The following EFHC1 variants were observed in gnomAD, a reference collection of about 807,000 sequenced individuals.
The protein encoded by EFHC1 is EF-hand domain containing 1, also known as EF-hand domain-containing protein 1.
A neutral mutation model predicts 69.9 loss-of-function variants in EFHC1; 53 were observed. That is an observed-to-expected ratio of 0.76 (90% CI 0.61 to 0.95). EFHC1 has a LOEUF of 0.95. Ranked by LOEUF, EFHC1 falls within the 40% of genes least tolerant of loss-of-function variation. EFHC1 has a pLI of 0.00. For synonymous variants in EFHC1, 256 were observed against 278.4 expected (o/e 0.92, Z 0.80); for missense variants, 739 against 798.7 (o/e 0.93, Z 0.90).
At position 52,452,881 on chromosome 6, in the gene EFHC1, G is replaced by A. The variant is rs200479419; in HGVS notation, c.723+44G>A. ...ACAATAGGCTTACTTATTTCCAAAT[G>A]TGACCTACATTTATTGGCAAAAGGT... On this transcript the variant is annotated intron_variant, in intron 4 of 10. Transcript: ENST00000371068. The A allele has an allele frequency of 9.3e-6, 15 of 1,612,940 alleles. No homozygotes were observed. The East Asian group carries it at 3.3e-4, about 36-fold the overall frequency.
chr6:52,493,199 T>A lies in EFHC1; in HGVS notation c.*858T>A, dbSNP rs760949820. 1 of 453,482 alleles carries A rather than the reference T, an allele frequency of 2.2e-6. No individual in the cohort carries two copies. 28.1% of individuals were successfully genotyped at this position (453,482 alleles called of 1,614,324 possible). A position where few individuals can be genotyped will look rare whatever the true frequency, so the allele number is the denominator to read the frequency against. On this transcript the variant is annotated 3_prime_UTR_variant, in exon 11 of 11. Transcript: ENST00000371068. ...AGCCTGCTGACCTTCAGACTGGACC[T>A]AAACCATCAGCTCTCCTAAGTCATA...
rs1268175317 is a variant in EFHC1 at position 52,438,416 on chromosome 6, T to C, written c.398T>C (p.Val133Ala). ...YYYLEDDSMS[V>A]IEPVVENSGI... Reference sequence around the variant, plus strand: ...TATCTAGAAGATGACAGCATGTCTGTCATAGAGCCTGTTGTAGAAAATTCT... The same window carrying C: ...TATCTAGAAGATGACAGCATGTCTGCCATAGAGCCTGTTGTAGAAAATTCT... Residue 133 changes from valine to alanine, a missense_variant, in exon 3 of 11, where the codon GTC (valine) becomes GCC (alanine). Physicochemically the swap from Val to Ala is moderately conservative, Grantham distance 64 (BLOSUM62 0). Coordinates refer to ENST00000371068, the MANE Select transcript of EFHC1 (RefSeq NM_018100.4). 2.5e-6 allele frequency: 4 copies of C among 1,613,972 alleles called. No homozygotes were observed. In the African/African-American group the frequency reaches 5.3e-5, roughly 22 times the overall value.
At chr6:52,449,404 C>T (rs1764866796) in intron 3 of EFHC1, among the ~76,000 whole-genome samples, 1 of 151,836 alleles carries the variant, frequency 6.6e-6, no homozygotes, top group African/African-American at 2.4e-5. Flanking sequence ...AAAATAGTAC[C>T]AGCTCTTCTT....
chr6:52,440,705 C>T (rs542811716), intron 3 of EFHC1, among the ~76,000 whole-genome samples: 1 of 152,198 alleles, frequency 6.6e-6, no homozygotes, highest in African/African-American at 2.4e-5. Context: ...TTTTAGGAAT[C>T]ACTACACTGC....
In EFHC1 at chr6:52,438,359, A is replaced by G. The variant is rs759050400; in HGVS notation, c.341A>G (p.Gln114Arg). 65 of 1,613,768 alleles carry G rather than the reference A, an allele frequency of 4.0e-5. No individual in the cohort carries two copies. The highest frequency in any genetic ancestry group is 1.6e-4 in the Middle Eastern group (1 of 6,080). ...GATGTTCCTATGTCAACTGAGGAAC[A>G]GTATAGGATCCGTCAGGTGAACATT... Reference protein sequence around the residue: ...QEDVPMSTEEQYRIRQVNIYY... With the variant: ...QEDVPMSTEERYRIRQVNIYY... Residue 114 changes from glutamine to arginine, a missense_variant, in exon 3 of 11, where the codon CAG becomes CGG. Gln to Arg is a conservative substitution (Grantham distance 43). Coordinates refer to ENST00000371068, the MANE Select transcript of EFHC1 (RefSeq NM_018100.4).
At chr6:52,421,573 G>A (rs555444551) in intron 1 of EFHC1, among the ~76,000 whole-genome samples, 4 of 152,272 alleles carry the variant, frequency 2.6e-5, no homozygotes, top group African/African-American at 7.2e-5. Flanking sequence ...GCTAACAGTA[G>A]TTTATGTTTA....
At position 52,451,013 on chromosome 6, in the gene EFHC1, T is replaced by C. The variant is rs183579399; in HGVS notation, c.574-1675T>C. Among the ~76,000 whole-genome samples the C allele has an allele frequency of 2.0e-5, 3 of 152,280 alleles. No individual in the cohort carries two copies. In the East Asian group the frequency reaches 5.8e-4, roughly 29 times the overall value. ...CTGGGTTTCACCATGTTGGCCAGGC[T>C]GGTCCTAAACTCCTGACCTCAAGTG... On this transcript the variant is annotated intron_variant, in intron 3 of 10. Coordinates refer to ENST00000371068, the MANE Select transcript of EFHC1 (RefSeq NM_018100.4).
At chr6:52,474,629 G>A (rs544325057) in intron 7 of EFHC1, among the ~76,000 whole-genome samples, 1 of 152,278 alleles carries the variant, frequency 6.6e-6, no homozygotes, top group Admixed American at 6.5e-5. Flanking sequence ...ATAAGTTGTG[G>A]TATATTTGTG....
intron 3 of EFHC1, among the ~76,000 whole-genome samples, chr6:52,446,388 C>G (rs1417120414): frequency 6.6e-6 from 1 of 151,926 alleles, no homozygotes; most frequent in Non-Finnish European, 1.5e-5. Context: ...GCAACCCCTG[C>G]TTTTTTTTGT....
At chr6:52,453,732 A>G (rs1466730324) in intron 4 of EFHC1, 4 of 1,244,934 alleles carry the variant, frequency 3.2e-6, no homozygotes, top group African/African-American at 1.6e-5. Context: ...CTAATTATAT[A>G]TAAACCATAT....
At chr6:52,453,757 A>G (rs1442625576) in intron 4 of EFHC1, 13 of 1,242,398 alleles carry the variant, frequency 1.0e-5, no homozygotes, top group African/African-American at 1.6e-5. Flanking sequence ...ATGTACCTTT[A>G]TTAATATATA....
chr6:52,433,693 G>C (rs573597343), intron 2 of EFHC1, among the ~76,000 whole-genome samples: 5 of 152,328 alleles, frequency 3.3e-5, no homozygotes, highest in Non-Finnish European at 5.9e-5. Context: ...AGCATTAGCT[G>C]TGGTAGTATG....
In EFHC1 at chr6:52,452,798, C is replaced by T. The variant is rs1271242274; in HGVS notation, c.684C>T (p.Asp228=). The change falls in exon 4 of 11, where the codon GAC becomes GAT. Residue 228 remains aspartate, a synonymous_variant. Coordinates refer to ENST00000371068, the MANE Select transcript of EFHC1 (RefSeq NM_018100.4). ...TTCGTAAGTATGTCACCCCATCAGA[C>T]TTTGATCAACTCAAGCAATTTCTCA... The part of the protein sequence containing the change: ...QPLRKYVTPS[D]FDQLKQFLTF... The T allele has an allele frequency of 1.9e-6, 3 of 1,614,020 alleles. No individual in the cohort carries two copies. The highest frequency in any genetic ancestry group is 1.1e-5 in the South Asian group (1 of 91,080).
At chr6:52,446,201 CTT>C (rs1165916079) in intron 3 of EFHC1, among the ~76,000 whole-genome samples, 5 of 152,150 alleles carry the variant, frequency 3.3e-5, no homozygotes, top group African/African-American at 1.2e-4. Flanking sequence ...GTCTAAGTCT[CTT>C]TGTATGTCAC....
intron 7 of EFHC1, among the ~76,000 whole-genome samples, chr6:52,475,529 C>A (rs550525681): frequency 1.3e-5 from 2 of 152,226 alleles, no homozygotes; most frequent in South Asian, 2.1e-4. Flanking sequence ...TGATTTGAAC[C>A]ATAATCTTCA....
In EFHC1 at chr6:52,438,153, T is replaced by G. The variant is rs187101255; in HGVS notation, c.286-151T>G. 110 of 782,770 alleles carry G rather than the reference T, an allele frequency of 1.4e-4. No individual in the cohort carries two copies. The East Asian group carries it at 2.9e-3, about 20-fold the overall frequency. The allele number at this position is 782,770 out of a possible 1,614,324, so 48.5% of individuals were successfully genotyped here. A position where few individuals can be genotyped will look rare whatever the true frequency, so the allele number is the denominator to read the frequency against. ...CCCATGGACTATAGTTTGCAGTATCTGTAGTTTTAGAGTATCAAGATTTAC... is the reference window on the plus strand; with the variant it reads ...CCCATGGACTATAGTTTGCAGTATCGGTAGTTTTAGAGTATCAAGATTTAC... On this transcript the variant is annotated intron_variant, in intron 2 of 10. Transcript: ENST00000371068.
intron 7 of EFHC1, among the ~76,000 whole-genome samples, chr6:52,471,781 T>C (rs1207911542): frequency 6.6e-6 from 1 of 152,028 alleles, no homozygotes; most frequent in African/African-American, 2.4e-5. Flanking sequence ...GATATGAGAA[T>C]CGCTTGAACC....
intron 10 of EFHC1, chr6:52,491,008 G>A (rs1765888513): frequency 6.6e-6 from 1 of 152,348 alleles, no homozygotes; most frequent in Non-Finnish European, 1.5e-5. Flanking sequence ...TAAAAATATT[G>A]AGATTCTGAG....
chr6:52,453,703 A>G, intron 4 of EFHC1: 2 of 1,252,056 alleles, frequency 1.6e-6, no homozygotes, highest in Non-Finnish European at 2.0e-6. Flanking sequence ...CTGGTTAATA[A>G]ATAAAAATTT....
Sources: allele counts gnomAD v4.1 joint callset (sites outside exome capture counted in the v4.1 genomes callset), GRCh38; gene constraint gnomAD v4.1.1; transcripts MANE v1.5; gene names NCBI Gene and HGNC (gene_info 2026-07-23, HGNC 2026-07-21).